RALYL: variants seen among roughly 807,000 people sequenced by gnomAD.
RALYL encodes RNA-binding Raly-like protein.
Under a neutral mutation model 35.1 loss-of-function variants are expected in RALYL, and 29 were observed. The observed-to-expected ratio is 0.83, with a 90% CI of 0.61 to 1.13. The LOEUF (loss-of-function observed/expected upper bound fraction) is 1.13. Among genes scored for constraint, RALYL ranks in the 50% most tolerant of loss-of-function variants. The pLI is 0.00. For missense variants in RALYL, 359 were observed against 360.4 expected (o/e 1.00, Z 0.03); for synonymous variants, 120 against 127.6 (o/e 0.94, Z 0.40).
chr8:84,805,937 GA>G (rs960253164), intron 4 of RALYL, among the ~76,000 whole-genome samples: 3 of 152,108 alleles, frequency 2.0e-5, no homozygotes, highest in African/African-American at 7.2e-5. Flanking sequence ...TTTGATGAGG[GA>G]AAAAAAGCTG....
chr8:84,395,630 T>A (rs1206087384), intron 1 of RALYL, among the ~76,000 whole-genome samples: 2 of 151,946 alleles, frequency 1.3e-5, no homozygotes, highest in Admixed American at 1.3e-4. Flanking sequence ...ATTACGTATG[T>A]TCATATGGTT....
At chr8:84,810,299 A>G (rs997469027) in intron 4 of RALYL, among the ~76,000 whole-genome samples, 2 of 151,974 alleles carry the variant, frequency 1.3e-5, no homozygotes, top group East Asian at 3.9e-4. Context: ...GGTTTTGAAG[A>G]TTCCTTTTTG....
intron 3 of RALYL, among the ~76,000 whole-genome samples, chr8:84,783,500 T>C (rs1013530752): frequency 6.6e-6 from 1 of 152,216 alleles, no homozygotes; most frequent in Non-Finnish European, 1.5e-5. Context: ...TTGTCATAGA[T>C]CCTTCATTCT....
intron 1 of RALYL, among the ~76,000 whole-genome samples, chr8:84,457,163 G>A (rs868288422): frequency 4.0e-5 from 6 of 151,854 alleles, no homozygotes; most frequent in South Asian, 4.1e-4. Context: ...TGGAATGCAG[G>A]GTTTGGAAGT....
intron 2 of RALYL, chr8:84,679,020 AC>A: frequency 2.9e-6 from 1 of 347,168 alleles, no homozygotes; most frequent in Non-Finnish European, 5.8e-6. Context: ...CCTGGCCACC[AC>A]CAGCACTCTG....
intron 1 of RALYL, among the ~76,000 whole-genome samples, chr8:84,315,057 G>A (rs1321862190): frequency 6.6e-6 from 1 of 152,044 alleles, no homozygotes; most frequent in African/African-American, 2.4e-5. Context: ...TTTTCTGTGG[G>A]TACATTCCTA....
intron 2 of RALYL, among the ~76,000 whole-genome samples, chr8:84,595,927 G>T (rs1205922800): frequency 6.6e-6 from 1 of 152,006 alleles, no homozygotes; most frequent in Non-Finnish European, 1.5e-5. Flanking sequence ...AGAGGGCAAG[G>T]TGAGAGAAAC....
At chr8:84,525,400 C>G (rs2058804628) in intron 1 of RALYL, among the ~76,000 whole-genome samples, 1 of 152,144 alleles carries the variant, frequency 6.6e-6, no homozygotes, top group East Asian at 1.9e-4. Context: ...CAATGCCTGA[C>G]AGCTCTCTAT....
chr8:84,322,077 G>C (rs887854538), intron 1 of RALYL, among the ~76,000 whole-genome samples: 9 of 151,952 alleles, frequency 5.9e-5, no homozygotes, highest in Admixed American at 5.3e-4. Flanking sequence ...ATTATAATTC[G>C]AGTCTTTAAT....
intron 1 of RALYL, among the ~76,000 whole-genome samples, chr8:84,327,322 C>G (rs776540518): frequency 6.6e-6 from 1 of 151,894 alleles, no homozygotes; most frequent in Non-Finnish European, 1.5e-5. Context: ...AGAAAACAAG[C>G]TCTATTATGG....
intron 1 of RALYL, among the ~76,000 whole-genome samples, chr8:84,349,282 A>G (rs1850408773): frequency 6.6e-6 from 1 of 150,488 alleles, no homozygotes; most frequent in African/African-American, 2.5e-5. Context: ...TAGATGATTC[A>G]TTCAGAAAAA....
At chr8:84,606,289 T>C (rs993288162) in intron 2 of RALYL, among the ~76,000 whole-genome samples, 2 of 152,092 alleles carry the variant, frequency 1.3e-5, no homozygotes, top group African/African-American at 4.8e-5. Context: ...TCTTCAATCA[T>C]AGGAAATTGA....
chr8:84,799,213 C>T (rs1273797596), intron 3 of RALYL, among the ~76,000 whole-genome samples: 1 of 151,848 alleles, frequency 6.6e-6, no homozygotes, highest in African/African-American at 2.4e-5. Context: ...GGGAGCTTGG[C>T]AATTACACTG....
chr8:84,723,179 A>C (rs978174314), intron 2 of RALYL, among the ~76,000 whole-genome samples: 1 of 152,054 alleles, frequency 6.6e-6, no homozygotes, highest in African/African-American at 2.4e-5. Context: ...ACCATGAAAG[A>C]ACCGAAGAAT....
At chr8:84,650,090 A>G (rs908722463) in intron 2 of RALYL, among the ~76,000 whole-genome samples, 1 of 151,948 alleles carries the variant, frequency 6.6e-6, no homozygotes, top group Non-Finnish European at 1.5e-5. Context: ...TTTTTCTGTT[A>G]TTGGTGTATA....
intron 2 of RALYL, among the ~76,000 whole-genome samples, chr8:84,634,378 T>G (rs1159105080): frequency 6.6e-6 from 1 of 151,900 alleles, no homozygotes; most frequent in African/African-American, 2.4e-5. Context: ...ATATTTTCCA[T>G]GAAGCTTTTT....
At chr8:84,661,311 G>A (rs1270749123) in intron 2 of RALYL, among the ~76,000 whole-genome samples, 2 of 152,020 alleles carry the variant, frequency 1.3e-5, no homozygotes, top group Non-Finnish European at 2.9e-5. Context: ...TAAGATATAT[G>A]AGTCAAAGTC....
In RALYL at chr8:84,759,810, A is replaced by G. The variant is rs376248227; in HGVS notation, c.257-14769A>G. On this transcript the variant is annotated intron_variant, in intron 2 of 8. Coordinates refer to ENST00000521268, the MANE Select transcript of RALYL (RefSeq NM_173848.7). ...TGTCCAAAATCTACTGTTTTATAAA[A>G]TGACTGCTATTGATACTGTTACGTA... Among the ~76,000 whole-genome samples, 8 of 152,340 alleles carry G rather than the reference A, an allele frequency of 5.3e-5. No homozygotes were observed. The East Asian group carries it at 1.3e-3, about 26-fold the overall frequency.
chr8:84,748,102 A>G (rs1809096376), intron 2 of RALYL, among the ~76,000 whole-genome samples: 2 of 151,998 alleles, frequency 1.3e-5, no homozygotes, highest in African/African-American at 4.8e-5. Context: ...CTTAGGTTGC[A>G]GGTATATTCC....
Sources: allele counts gnomAD v4.1 joint callset (sites outside exome capture counted in the v4.1 genomes callset), GRCh38; gene constraint gnomAD v4.1.1; transcripts MANE v1.5; gene names NCBI Gene and HGNC (gene_info 2026-07-23, HGNC 2026-07-21).